Variants in PTPRG observed in about 807,000 individuals in gnomAD.
The protein encoded by PTPRG is receptor-type tyrosine-protein phosphatase gamma.
In PTPRG, 102 loss-of-function variants were observed where a neutral mutation model predicts 165.3. That is an observed-to-expected ratio of 0.62 (90% CI 0.53 to 0.73). PTPRG has a LOEUF of 0.73. Among genes scored for constraint, PTPRG ranks in the 30% least tolerant of loss-of-function variants. The probability of loss-of-function intolerance (pLI) is 0.00; values close to 1 mark genes in which losing one functional copy is unlikely to be tolerated. For missense variants in PTPRG, 1,866 were observed against 1,861.4 expected (o/e 1.00, Z -0.05); for synonymous variants, 675 against 669.5 (o/e 1.01, Z -0.13).
At position 61,744,624 on chromosome 3, in the gene PTPRG, A is replaced by G. The variant is rs186094358; in HGVS notation, c.86-4254A>G. 3.9e-5 allele frequency among the ~76,000 whole-genome samples: 6 copies of G among 152,334 alleles called. No individual in the cohort carries two copies. In the East Asian group the frequency reaches 1.2e-3, roughly 29 times the overall value. ...TGACTGAAATTTTATCATGTGGCACATTACTTGATTATGCTCTTACAGATA... is the reference window on the plus strand; with the variant it reads ...TGACTGAAATTTTATCATGTGGCACGTTACTTGATTATGCTCTTACAGATA... On this transcript the variant is annotated intron_variant, in intron 1 of 29. Coordinates refer to ENST00000474889, the MANE Select transcript of PTPRG (RefSeq NM_002841.4).
chr3:61,909,105 TTGGCCAATTTTGAGATAA>T (rs1375254297), intron 2 of PTPRG, among the ~76,000 whole-genome samples: 2 of 152,116 alleles, frequency 1.3e-5, no homozygotes, highest in East Asian at 3.9e-4. Flanking sequence ...GTTTCATTCC[TTGGCCAATTTTGAGATAA>T]TTTTTTAAGC....
At chr3:62,177,742 T>C (rs1705479327) in intron 8 of PTPRG, among the ~76,000 whole-genome samples, 1 of 152,128 alleles carries the variant, frequency 6.6e-6, no homozygotes, top group South Asian at 2.1e-4. Flanking sequence ...TGTACCTAAC[T>C]GACCCCTCCT....
intron 2 of PTPRG, among the ~76,000 whole-genome samples, chr3:61,818,058 G>A (rs2035840790): frequency 6.6e-6 from 1 of 152,046 alleles, no homozygotes; most frequent in Admixed American, 6.6e-5. Flanking sequence ...AACAGTGGGA[G>A]ATCTACATGT....
chr3:62,208,683 G>C (rs943093791), intron 12 of PTPRG, among the ~76,000 whole-genome samples: 11 of 152,204 alleles, frequency 7.2e-5, no homozygotes, highest in African/African-American at 2.4e-4. Context: ...TTGAGACAGA[G>C]TGGAGGGTGC....
intron 24 of PTPRG, chr3:62,276,676 T>C (rs1576211992): frequency 6.2e-6 from 2 of 323,122 alleles, no homozygotes; most frequent in Non-Finnish European, 1.1e-5. Flanking sequence ...TCAAAAGTTA[T>C]CTAAAATCCT....
intron 1 of PTPRG, among the ~76,000 whole-genome samples, chr3:61,731,754 C>G (rs2032510538): frequency 6.6e-6 from 1 of 151,710 alleles, no homozygotes; most frequent in African/African-American, 2.4e-5. Flanking sequence ...TTCTGTAGTT[C>G]TCCACTGTCC....
intron 1 of PTPRG, among the ~76,000 whole-genome samples, chr3:61,620,932 C>T (rs1017163743): frequency 6.6e-6 from 1 of 151,598 alleles, no homozygotes; most frequent in Non-Finnish European, 1.5e-5. Flanking sequence ...CCCGGCCTTA[C>T]AGTTACTCTT....
rs1299072920 is a variant in PTPRG at position 62,228,616 on chromosome 3, C to CTT, written c.2289-2609_2289-2608insTT. On this transcript the variant is annotated intron_variant, in intron 13 of 29. Transcript: ENST00000474889. The surrounding 1 kb of genome is among the most constrained non-coding windows in gnomAD (Gnocchi z 4.1). ...GACCCAGAAGCACTGGATCATGGCA[C>CTT]ATTCATTATTTCTTAGGGCAAACTC... is the stretch of plus-strand genomic sequence containing the variant. 1.2e-4 allele frequency among the ~76,000 whole-genome samples: 18 copies of CTT among 152,200 alleles called. No homozygotes were observed. In the East Asian group the frequency reaches 3.3e-3, roughly 28 times the overall value.
chr3:61,867,507 A>C (rs1249274077), intron 2 of PTPRG, among the ~76,000 whole-genome samples: 1 of 151,724 alleles, frequency 6.6e-6, no homozygotes, highest in African/African-American at 2.4e-5. Context: ...GCTTTTTTTG[A>C]GGCATGCATT....
intron 2 of PTPRG, among the ~76,000 whole-genome samples, chr3:61,775,942 G>T (rs1034802613): frequency 6.7e-6 from 1 of 149,514 alleles, no homozygotes; most frequent in African/African-American, 2.5e-5. Flanking sequence ...TAGGGGGAGG[G>T]GGGAGGGATA....
At chr3:62,049,037 A>G (rs1018170432) in intron 4 of PTPRG, among the ~76,000 whole-genome samples, 10 of 152,174 alleles carry the variant, frequency 6.6e-5, no homozygotes, top group Middle Eastern at 3.2e-3. Flanking sequence ...AATAGAAGAA[A>G]TGACTTTGAC....
rs559404565 is a variant in PTPRG, at chr3:61,570,081, G to A, written c.85+7709G>A. 1.1e-4 allele frequency among the ~76,000 whole-genome samples: 16 copies of A among 152,274 alleles called. No individual in the cohort carries two copies. In the East Asian group the frequency reaches 2.9e-3, roughly 28 times the overall value. On this transcript the variant is annotated intron_variant, in intron 1 of 29. Transcript: ENST00000474889. ...AGGGAAATAGGTTACTCATTACTGG[G>A]ATTCAATTTGGCTCCACTGATGGGA...
chr3:61,626,966 TC>T (rs1701627274), intron 1 of PTPRG, among the ~76,000 whole-genome samples: 2 of 152,160 alleles, frequency 1.3e-5, no homozygotes, highest in Non-Finnish European at 2.9e-5. Flanking sequence ...CTACAAATGA[TC>T]CTGTTATATC....
chr3:62,139,940 G>A (rs1167702766), intron 6 of PTPRG, among the ~76,000 whole-genome samples: 2 of 152,232 alleles, frequency 1.3e-5, no homozygotes, highest in African/African-American at 4.8e-5. Context: ...TCCAGAGAGT[G>A]GAGAAAGCTA....
intron 2 of PTPRG, among the ~76,000 whole-genome samples, chr3:61,794,222 A>G (rs1170740554): frequency 4.6e-5 from 7 of 152,178 alleles, no homozygotes; most frequent in East Asian, 3.8e-4. Context: ...TAGAATTTGT[A>G]TAATTATTAT....
Position 61,847,997 on chromosome 3 carries a change from C to T in PTPRG, c.190+99015C>T, listed in dbSNP as rs145436838. On this transcript the variant is annotated intron_variant, in intron 2 of 29. Coordinates refer to ENST00000474889, the MANE Select transcript of PTPRG (RefSeq NM_002841.4). ...GACTTTATGAAAGTATTTGCAGAGA[C>T]GCCTTGTCCCCTGCCATGAGCTGTA... Among the ~76,000 whole-genome samples the T allele has an allele frequency of 4.9e-4, 74 of 152,336 alleles. No individual in the cohort carries two copies. The East Asian group carries it at 6.4e-3, about 13-fold the overall frequency.
At chr3:61,828,204 A>G (rs539170863) in intron 2 of PTPRG, among the ~76,000 whole-genome samples, 34 of 152,350 alleles carry the variant, frequency 2.2e-4, no homozygotes, top group Admixed American at 4.6e-4. Flanking sequence ...ACGAAATACA[A>G]TAATTGTCAC....
At chr3:62,207,318 G>T (rs1479669694) in intron 12 of PTPRG, among the ~76,000 whole-genome samples, 1 of 152,174 alleles carries the variant, frequency 6.6e-6, no homozygotes, top group Non-Finnish European at 1.5e-5. Context: ...GCCAACCCCT[G>T]GTTTACACAG....
intron 4 of PTPRG, among the ~76,000 whole-genome samples, chr3:62,014,662 G>A (rs770936520): frequency 2.0e-5 from 3 of 152,044 alleles, no homozygotes; most frequent in Non-Finnish European, 2.9e-5. Flanking sequence ...GAAACCTCAC[G>A]CACTCCCCTT....
Sources: gnomAD v4.1 joint callset for allele counts (sites outside exome capture counted in the v4.1 genomes callset) on GRCh38, gnomAD v4.1.1 for gene constraint, Gnocchi (gnomAD v3.1) non-coding constraint, MANE v1.5 for transcripts, NCBI Gene and HGNC (gene_info 2026-07-23, HGNC 2026-07-21) for gene names.